The following BORA variants were observed in gnomAD, a reference collection of about 807,000 sequenced individuals.
The protein encoded by BORA is protein aurora borealis.
In BORA, 26 loss-of-function variants were observed where a neutral mutation model predicts 55.8. That is an observed-to-expected ratio of 0.47 (90% CI 0.34 to 0.65). The LOEUF (loss-of-function observed/expected upper bound fraction) is 0.65, where lower values mean the gene tolerates loss of function less well. BORA is among the 30% of genes least tolerant of loss of function. The pLI, the probability that BORA is intolerant of heterozygous loss-of-function variation, is 0.01. For synonymous variants in BORA, 201 were observed against 216.9 expected (o/e 0.93, Z 0.64); for missense variants, 568 against 671.5 (o/e 0.85, Z 1.70).
At chr13:72,745,280 C>T in intron 8 of BORA, 73 bp downstream of exon 8, 1 of 1,303,118 alleles carries the variant, frequency 7.7e-7, no homozygotes, top group Admixed American at 2.0e-5. Flanking sequence ...GTTGTTCTAT[C>T]TTAGGCTTTC....
chr13:72,755,104 G>A, intron 11 of BORA, 47 bp from the exon 12 acceptor site: 1 of 1,526,628 alleles, frequency 6.6e-7, no homozygotes, highest in East Asian at 2.3e-5. Context: ...GCATCCTCCA[G>A]TGGTCCTACT....
chr13:72,743,470 GA>G, intron 5 of BORA, 66 bp from the exon 6 acceptor site: 5 of 1,165,066 alleles, frequency 4.3e-6, no homozygotes, highest in South Asian at 1.8e-5. Flanking sequence ...TTTTACTTTG[GA>G]AAAAGTAATG....
intron 10 of BORA, among the ~76,000 whole-genome samples, chr13:72,749,529 T>G (rs1195027047): frequency 6.6e-6 from 1 of 152,124 alleles, no homozygotes. Context: ...TAAATCTCCT[T>G]TTTTGAATTT....
At chr13:72,731,195 C>A in intron 2 of BORA, 86 bp from the exon 3 acceptor site, 2 of 759,580 alleles carry the variant, frequency 2.6e-6, no homozygotes, top group Non-Finnish European at 4.4e-6. Flanking sequence ...ATATTATAAC[C>A]ATTCATATTA....
chr13:72,752,503 A>G (rs982559155), intron 10 of BORA: 5 of 152,210 alleles, frequency 3.3e-5, no homozygotes. Context: ...TCTTCCCTCC[A>G]TATATATCCA....
rs1449607087 is a variant in BORA, at chr13:72,746,205, T to G, written c.871+129T>G. ...ACTAACCTTCTAACATTTAGGAACT[T>G]TGATTTTTAAATAAAAGAACAGTTT... On this transcript the variant is annotated intron_variant, in intron 9 of 11. Transcript: ENST00000390667. 1.1e-5 allele frequency: 11 copies of G among 961,306 alleles called. No homozygotes were observed. In the East Asian group the frequency reaches 2.9e-4, roughly 25 times the overall value. 59.5% of individuals were successfully genotyped at this position (961,306 alleles called of 1,614,324 possible).
chr13:72,745,006 T>C lies in BORA; in HGVS notation c.537T>C (p.Phe179=). 6.2e-7 allele frequency: 1 copy of C among 1,614,062 alleles called. No individual in the cohort carries two copies. The highest frequency in any genetic ancestry group is 1.1e-5 in the South Asian group (1 of 91,086). Residue 179 remains phenylalanine, a synonymous_variant, in exon 8 of 12, where the codon TTT becomes TTC. Coordinates refer to ENST00000390667, the MANE Select transcript of BORA (RefSeq NM_024808.5). ...GTGACTATTTTAGAGCTGATGAATT[T>C]GCAGATCAATCTCCTGGAAACCTCA... ...ILGDYFRADE[F]ADQSPGNLSS...
intron 1 of BORA, 138 bp from the exon 2 acceptor site, chr13:72,728,788 T>C: frequency 1.5e-6 from 1 of 653,588 alleles, no homozygotes; most frequent in Non-Finnish European, 2.4e-6. Flanking sequence ...ACTTTTTTTG[T>C]AAGCTGTATC....
intron 3 of BORA, among the ~76,000 whole-genome samples, chr13:72,732,914 C>T (rs548426670): frequency 3.9e-5 from 6 of 152,140 alleles, no homozygotes; most frequent in Admixed American, 3.9e-4. Context: ...TGAAGAAGTA[C>T]AAGATACTAA....
chr13:72,729,416 T>C (rs1334592970), intron 2 of BORA, among the ~76,000 whole-genome samples: 1 of 152,232 alleles, frequency 6.6e-6, no homozygotes, highest in African/African-American at 2.4e-5. Flanking sequence ...CTGTTCTCAC[T>C]TATTTGGCAA....
At chr13:72,743,439 TAA>T in intron 5 of BORA, 96 bp from the exon 6 acceptor site, 1 of 748,790 alleles carries the variant, frequency 1.3e-6, no homozygotes, top group Non-Finnish European at 2.0e-6. Context: ...TGTTGCAAAA[TAA>T]GTTTCCACTT....
chr13:72,746,011 C>T lies in BORA; in HGVS notation c.806C>T (p.Pro269Leu). Residue 269 changes from proline (P) to leucine (L), a missense_variant, in exon 9 of 12, where the codon CCT becomes CTT. Physicochemically the swap from Pro to Leu is moderately conservative, Grantham distance 98. Transcript: ENST00000390667. ...TACAGCTTGGGAAGCATAACTAGTC[C>T]TTCGCCTATTTCTTCACCCACTTTC... ...KKYSLGSITSPSPISSPTFSP... is the reference protein window; with the variant it reads ...KKYSLGSITSLSPISSPTFSP... 5 of 1,612,626 alleles carry T rather than the reference C, an allele frequency of 3.1e-6. No individual in the cohort carries two copies. The highest frequency in any genetic ancestry group is 4.2e-6 in the Non-Finnish European group (5 of 1,178,756).
intron 3 of BORA, among the ~76,000 whole-genome samples, chr13:72,733,535 A>T (rs1178953296): frequency 1.3e-5 from 2 of 152,156 alleles, no homozygotes; most frequent in Non-Finnish European, 2.9e-5. Flanking sequence ...TGAGTATTTC[A>T]TGTTCTTGAA....
chr13:72,744,611 G>T (rs1176458677), intron 7 of BORA, 50 bp downstream of exon 7: 2 of 1,416,684 alleles, frequency 1.4e-6, no homozygotes, highest in East Asian at 2.3e-5. Context: ...CAAAGGTTTT[G>T]TTTGGCTGGC....
chr13:72,743,450 TTTC>T, intron 5 of BORA, 84 bp from the exon 6 acceptor site: 3 of 893,550 alleles, frequency 3.4e-6, no homozygotes, highest in Non-Finnish European at 4.9e-6. Flanking sequence ...AAGTTTCCAC[TTTC>T]TTAATTTTTT....
intron 5 of BORA, among the ~76,000 whole-genome samples, chr13:72,742,850 T>G (rs1314850679): frequency 6.6e-6 from 1 of 151,882 alleles, no homozygotes; most frequent in Non-Finnish European, 1.5e-5. Context: ...AGAGGAAATT[T>G]TGTCATTTGT....
At chr13:72,753,893 A>T (rs1172629668) in intron 11 of BORA, 72 bp downstream of exon 11, 10 of 1,384,474 alleles carry the variant, frequency 7.2e-6, no homozygotes, top group African/African-American at 1.5e-5. Flanking sequence ...ATTATTAGAC[A>T]ATAGTACTAT....
Position 72,755,296 on chromosome 13 carries a change from C to T in BORA, c.*80C>T. ...GTGCACAGGATCAACATGATGGTGACTGGGAAAAAATTACTTCAAGTAACA... is the reference window on the plus strand; with the variant it reads ...GTGCACAGGATCAACATGATGGTGATTGGGAAAAAATTACTTCAAGTAACA... On this transcript the variant is annotated 3_prime_UTR_variant, in exon 12 of 12. Coordinates refer to ENST00000390667, the MANE Select transcript of BORA (RefSeq NM_024808.5). The T allele has an allele frequency of 7.9e-7, 1 of 1,260,298 alleles. No individual in the cohort carries two copies. The highest frequency in any genetic ancestry group is 2.4e-5 in the East Asian group (1 of 42,146). The allele number at this position is 1,260,298 out of a possible 1,614,324, so 78.1% of individuals were successfully genotyped here. A position where few individuals can be genotyped will look rare whatever the true frequency, so the allele number is the denominator to read the frequency against.
chr13:72,747,385 A>G (rs577510398), intron 10 of BORA, among the ~76,000 whole-genome samples: 58 of 152,302 alleles, frequency 3.8e-4, no homozygotes, highest in African/African-American at 1.3e-3. Context: ...AGAGAAATCA[A>G]TCCTGCTAGA....
Sources: gnomAD v4.1 joint callset for allele counts (sites outside exome capture counted in the v4.1 genomes callset) on GRCh38, gnomAD v4.1.1 for gene constraint, MANE v1.5 for transcripts, NCBI Gene and HGNC (gene_info 2026-07-23, HGNC 2026-07-21) for gene names.